Variants in HSPBP1 observed in about 807,000 individuals in gnomAD.
HSPBP1 encodes hsp70-binding protein 1.
A neutral mutation model predicts 41.7 loss-of-function variants in HSPBP1; 31 were observed. The observed-to-expected ratio is 0.74, with a 90% CI of 0.56 to 1.00. The LOEUF is 1.00. Ranked by LOEUF, HSPBP1 falls within the 50% of genes least tolerant of loss-of-function variation. HSPBP1 has a pLI of 0.00. For synonymous variants in HSPBP1, 199 were observed against 214.4 expected (o/e 0.93, Z 0.63); for missense variants, 439 against 487.9 (o/e 0.90, Z 0.94).
intron 3 of HSPBP1, among the ~76,000 whole-genome samples, chr19:55,277,329 C>T (rs555867084): frequency 1.3e-5 from 2 of 152,354 alleles, no homozygotes; most frequent in Admixed American, 6.5e-5. Flanking sequence ...TCTGATCAAA[C>T]GTCACCCCGG....
At chr19:55,269,082 T>C (rs2087856950) in intron 4 of HSPBP1, among the ~76,000 whole-genome samples, 1 of 152,164 alleles carries the variant, frequency 6.6e-6, no homozygotes, top group Non-Finnish European at 1.5e-5. Context: ...ACCTTCAAAA[T>C]GTACCCAGGA....
rs768307542 is a variant in HSPBP1 at position 55,265,879 on chromosome 19, A to G, written c.893+7T>C. 4 of 1,576,342 alleles carry G rather than the reference A, an allele frequency of 2.5e-6. No homozygotes were observed. Among genetic ancestry groups the G allele is most frequent in the Non-Finnish European group, 2.6e-6 (3 of 1,160,990 alleles). On this transcript the variant is annotated splice_region_variant and intron_variant, in intron 6 of 7. Transcript: ENST00000433386. ...CCAGGCCCCGTCCTCTCAAGGAGCC[A>G]AAGTACCTGCACAGGGCTCCAAGCA...
intron 6 of HSPBP1, 152 bp from the exon 7 acceptor site, chr19:55,265,541 T>A: frequency 1.4e-6 from 1 of 695,584 alleles, no homozygotes; most frequent in Non-Finnish European, 2.6e-6. Flanking sequence ...GGAATGGACC[T>A]CACGCTGCCC....
At chr19:55,264,764 T>C (rs1348263014) in intron 7 of HSPBP1, among the ~76,000 whole-genome samples, 1 of 152,162 alleles carries the variant, frequency 6.6e-6, no homozygotes, top group Non-Finnish European at 1.5e-5. Context: ...CTGTCTCTCC[T>C]ACTCTGACAC....
chr19:55,263,967 C>CTTT (rs201171002), intron 7 of HSPBP1, among the ~76,000 whole-genome samples: 18 of 130,472 alleles, frequency 1.4e-4, no homozygotes, highest in African/African-American at 2.4e-4. Flanking sequence ...ATGTAGTACA[C>CTTT]TTTTTTTTTT....
rs745799372 is a variant in HSPBP1, at chr19:55,279,563, G to T, written c.46C>A (p.Pro16Thr). Residue 16 changes from proline to threonine, a missense_variant, in exon 2 of 8, where the codon CCC (proline) becomes ACC (threonine). Physicochemically the swap from Pro to Thr is conservative, Grantham distance 38. Coordinates refer to ENST00000433386, the MANE Select transcript of HSPBP1 (RefSeq NM_012267.5). ...GAAGAGCAACCCTGGGAGGCCGGGG[G>T]CAGCGCCAGGGGCAGGCGGCTCCCC... is the stretch of plus-strand genomic sequence containing the variant. ...SRGSRLPLAL[P>T]PASQGCSSGG... The T allele has an allele frequency of 1.2e-6, 2 of 1,607,056 alleles. No homozygotes were observed. The highest frequency in any genetic ancestry group is 1.7e-5 in the Admixed American group (1 of 58,678).
At chr19:55,273,146 C>G (rs550810067) in intron 4 of HSPBP1, among the ~76,000 whole-genome samples, 2 of 152,112 alleles carry the variant, frequency 1.3e-5, no homozygotes, top group Non-Finnish European at 2.9e-5. Context: ...CGCACCACCA[C>G]GTCCAGCTAA....
At chr19:55,264,189 G>C (rs541502829) in intron 7 of HSPBP1, among the ~76,000 whole-genome samples, 1 of 152,012 alleles carries the variant, frequency 6.6e-6, no homozygotes, top group Admixed American at 6.6e-5. Context: ...GGCTGGTCTC[G>C]AACTCCTGAC....
chr19:55,265,317 G>C lies in HSPBP1; in HGVS notation c.966C>G (p.Arg322=), dbSNP rs745611787. The C allele has an allele frequency of 1.7e-5, 27 of 1,612,844 alleles. No individual in the cohort carries two copies. The South Asian group carries it at 3.0e-4, about 18-fold the overall frequency. The change falls in exon 7 of 8, where the codon CGC becomes CGG. Residue 322 remains arginine (R), a synonymous_variant. Transcript: ENST00000433386. The part of the protein sequence containing the change: ...EPELGLEELL[R]HRCQLLQQHE... ...GCTGCTGCAGCAGCTGACAGCGGTG[G>C]CGGAGGAGCTCCTCCAGGCCCAGTT... is the stretch of plus-strand genomic sequence containing the variant.
rs955122771 is a variant in HSPBP1, at chr19:55,268,221, A to G, written c.641-1935T>C. The stretch of plus-strand genomic sequence containing the variant: ...CGAGGTGGGCAGATCACTTGAGGTC[A>G]GGAGTTCGAGACCAGCCTGACCAAC... On this transcript the variant is annotated intron_variant, in intron 4 of 7. Transcript: ENST00000433386. This position sits in a 1 kb window ranked among gnomAD's most constrained non-coding sequence, Gnocchi z 4.5. Among the ~76,000 whole-genome samples the G allele has an allele frequency of 6.6e-6, 1 of 152,102 alleles. No individual in the cohort carries two copies. Among genetic ancestry groups the G allele is most frequent in the Non-Finnish European group, 1.5e-5 (1 of 68,028 alleles).
intron 3 of HSPBP1, 96 bp downstream of exon 3, chr19:55,277,546 G>C (rs879512032): frequency 7.9e-7 from 1 of 1,258,036 alleles, no homozygotes; most frequent in African/African-American, 1.5e-5. Flanking sequence ...GCAGCAGGGA[G>C]GCTGACGGTG....
chr19:55,272,090 C>T lies in HSPBP1; in HGVS notation c.640+2308G>A, dbSNP rs569977691. ...AAACAAAAAAAGAAAAAAAAAAAAG[C>T]CAACCTCGAACAGATTAAATGTAGA... On this transcript the variant is annotated intron_variant, in intron 4 of 7. Coordinates refer to ENST00000433386, the MANE Select transcript of HSPBP1 (RefSeq NM_012267.5). The surrounding 1 kb of genome is among the most constrained non-coding windows in gnomAD (Gnocchi z 4.2). 7.1e-4 allele frequency among the ~76,000 whole-genome samples: 108 copies of T among 151,556 alleles called. No homozygotes were observed. The highest frequency in any genetic ancestry group is 2.1e-3 in the African/African-American group (89 of 41,456).
chr19:55,263,252 A>T (rs993245252), intron 7 of HSPBP1, among the ~76,000 whole-genome samples: 4 of 152,222 alleles, frequency 2.6e-5, no homozygotes, highest in Non-Finnish European at 5.9e-5. Context: ...AATTTCACTC[A>T]TGGGAGAAAT....
At chr19:55,269,847 T>C (rs1315086423) in intron 4 of HSPBP1, among the ~76,000 whole-genome samples, 2 of 152,170 alleles carry the variant, frequency 1.3e-5, no homozygotes, top group African/African-American at 4.8e-5. Context: ...CAGTGTCAAC[T>C]ATGGACTCTG....
rs557351964 is a variant in HSPBP1, at chr19:55,272,792, C to T, written c.640+1606G>A. Among the ~76,000 whole-genome samples the T allele has an allele frequency of 3.8e-3, 568 of 151,190 alleles. 5 individuals are homozygous for T. The highest frequency in any genetic ancestry group is 0.013 in the African/African-American group (548 of 41,162). On this transcript the variant is annotated intron_variant, in intron 4 of 7. Coordinates refer to ENST00000433386, the MANE Select transcript of HSPBP1 (RefSeq NM_012267.5). The surrounding 1 kb of genome is among the most constrained non-coding windows in gnomAD (Gnocchi z 4.2). ...GGAGGAGGTTGTAGTGAGCCGAGAT[C>T]GCGCCATTGCGCTCCAGCCTGGGTG...
intron 4 of HSPBP1, among the ~76,000 whole-genome samples, chr19:55,267,216 A>G (rs963680385): frequency 2.0e-5 from 3 of 152,082 alleles, no homozygotes; most frequent in African/African-American, 7.2e-5. Context: ...CAGTGGAGCA[A>G]TCTTGGCTCA....
Position 55,277,739 on chromosome 19 carries a change from G to A in HSPBP1, c.318C>T (p.Pro106=), listed in dbSNP as rs767262938. 1.9e-6 allele frequency: 3 copies of A among 1,607,710 alleles called. No homozygotes were observed. Among genetic ancestry groups the A allele is most frequent in the East Asian group, 4.5e-5 (2 of 44,676 alleles). ...CCGCCTGCTCGGCCTCCCCAGCAGT[G>A]GGGGGCATGGGCTGTGACAGCACTC... ...CLRVLSQPMP[P]TAGEAEQAAD... Residue 106 remains proline (P), a synonymous_variant, in exon 3 of 8, where the codon CCC becomes CCT. Coordinates refer to ENST00000433386, the MANE Select transcript of HSPBP1 (RefSeq NM_012267.5).
intron 2 of HSPBP1, among the ~76,000 whole-genome samples, chr19:55,279,100 A>G (rs1027742324): frequency 6.6e-6 from 1 of 152,026 alleles, no homozygotes; most frequent in Non-Finnish European, 1.5e-5. Flanking sequence ...GTAAATGAAG[A>G]ACTTGAGATT....
rs1343977193 is a variant in HSPBP1, at chr19:55,270,574, A to G, written c.640+3824T>C. Among the ~76,000 whole-genome samples the G allele has an allele frequency of 1.3e-5, 2 of 152,150 alleles. No individual in the cohort carries two copies. Among genetic ancestry groups the G allele is most frequent in the African/African-American group, 4.8e-5 (2 of 41,416 alleles). On this transcript the variant is annotated intron_variant, in intron 4 of 7. Coordinates refer to ENST00000433386, the MANE Select transcript of HSPBP1 (RefSeq NM_012267.5). This position sits in a 1 kb window ranked among gnomAD's most constrained non-coding sequence, Gnocchi z 5.4. The stretch of plus-strand genomic sequence containing the variant: ...GGGGAAAGATAAGCTACTGTTGCTT[A>G]AGAAAAAAGGACAGAGGCAGGTCAA...
Sources: gnomAD v4.1 joint callset for allele counts (sites outside exome capture counted in the v4.1 genomes callset) on GRCh38, gnomAD v4.1.1 for gene constraint, Gnocchi (gnomAD v3.1) non-coding constraint, MANE v1.5 for transcripts, NCBI Gene and HGNC (gene_info 2026-07-23, HGNC 2026-07-21) for gene names.